Variants in NLRP1 observed in about 807,000 individuals in gnomAD.
NLRP1 encodes the protein NLR family pyrin domain containing 1.
In NLRP1, 94 loss-of-function variants were observed where a neutral mutation model predicts 136.7. The observed-to-expected ratio is 0.69, with a 90% CI of 0.58 to 0.82. The LOEUF is 0.82. Ranked by LOEUF, NLRP1 falls within the 40% of genes least tolerant of loss-of-function variation. The pLI is 0.00. For missense variants in NLRP1, 1,575 were observed against 1,802.7 expected (o/e 0.87, Z 2.29); for synonymous variants, 690 against 725.1 (o/e 0.95, Z 0.78).
At chr17:5,502,577 C>CGCTGGG (rs1907144634) in intron 15 of NLRP1, 1 of 153,530 alleles carries the variant, frequency 6.5e-6, no homozygotes, top group Admixed American at 6.5e-5. Context: ...TGGCATGAGC[C>CGCTGGG]ACTGCGCCAA....
chr17:5,506,918 A>AG (rs1161317123), intron 15 of NLRP1, among the ~76,000 whole-genome samples: 1 of 146,728 alleles, frequency 6.8e-6, no homozygotes, highest in Non-Finnish European at 1.5e-5. Flanking sequence ...AAAAAAAAAA[A>AG]AAAAAAAAAT....
Position 5,537,916 on chromosome 17 carries a change from G to A in NLRP1, c.2871-976C>T. Among the ~76,000 whole-genome samples the A allele has an allele frequency of 6.6e-6, 1 of 152,222 alleles. No individual in the cohort carries two copies. Among genetic ancestry groups the A allele is most frequent in the Admixed American group, 6.5e-5 (1 of 15,286 alleles). ...AGTGATAGCCAAAAATACTCAGTGG[G>A]GAGCAGCAGGCTGGGGTGCAAAGGT... On this transcript the variant is annotated intron_variant, in intron 7 of 16. Coordinates refer to ENST00000572272, the MANE Select transcript of NLRP1 (RefSeq NM_033004.4). The surrounding 1 kb of genome is among the most constrained non-coding windows in gnomAD (Gnocchi z 4.5).
At chr17:5,543,775 G>A (rs1003966268) in intron 5 of NLRP1, among the ~76,000 whole-genome samples, 1 of 152,176 alleles carries the variant, frequency 6.6e-6, no homozygotes, top group Non-Finnish European at 1.5e-5. Flanking sequence ...GACTTCGGGA[G>A]ATGTTTGGAG....
chr17:5,526,949 A>C (rs76310213), intron 12 of NLRP1, among the ~76,000 whole-genome samples: 118 of 152,342 alleles, frequency 7.7e-4, no homozygotes, highest in Middle Eastern at 3.4e-3. Flanking sequence ...GACAGTGATG[A>C]AGCACCAGTG....
chr17:5,556,523 A>G (rs1323186548), intron 4 of NLRP1, among the ~76,000 whole-genome samples: 1 of 152,040 alleles, frequency 6.6e-6, no homozygotes, highest in Non-Finnish European at 1.5e-5. Flanking sequence ...CTTGATATAT[A>G]AAGAAAATAA....
In NLRP1 at chr17:5,558,826, G is replaced by A. The variant is rs1914408677; in HGVS notation, c.1870C>T (p.Leu624Phe). ...PIPLSYSFIHLCFQEFFAAMS... is the reference protein window; with the variant it reads ...PIPLSYSFIHFCFQEFFAAMS... The stretch of plus-strand genomic sequence containing the variant: ...GCTGCAAAGAACTCTTGGAAACAGA[G>A]GTGAATGAAGCTGTAGCTCAGAGGG... The change falls in exon 4 of 17, where the codon CTC becomes TTC. Residue 624 changes from leucine (L) to phenylalanine (F), a missense_variant. Physicochemically the swap from Leu to Phe is conservative, Grantham distance 22 (BLOSUM62 0). Transcript: ENST00000572272. 1 of 1,614,208 alleles carries A rather than the reference G, an allele frequency of 6.2e-7. No homozygotes were observed. Among genetic ancestry groups the A allele is most frequent in the Non-Finnish European group, 8.5e-7 (1 of 1,180,028 alleles).
downstream of NLRP1, among the ~76,000 whole-genome samples, chr17:5,511,188 T>C (rs1019578710): frequency 6.6e-5 from 10 of 151,994 alleles, no homozygotes; most frequent in African/African-American, 2.4e-4. Context: ...CCCAGCACTT[T>C]AGGAGGCCGA....
chr17:5,516,512 A>G (rs1908138299), intron 15 of NLRP1, among the ~76,000 whole-genome samples: 1 of 152,242 alleles, frequency 6.6e-6, no homozygotes, highest in African/African-American at 2.4e-5. Flanking sequence ...TCCAAGGGAC[A>G]GAATTAAGAC....
At position 5,569,978 on chromosome 17, in the gene NLRP1, A is replaced by C. The variant is rs577116559; in HGVS notation, c.653-9935T>G. 6.6e-5 allele frequency among the ~76,000 whole-genome samples: 10 copies of C among 152,314 alleles called. No homozygotes were observed. In the South Asian group the frequency reaches 2.1e-3, roughly 32 times the overall value. ...CTAAGAAGATAGCTCAGAACCATACAATTCATGGAAATTAAACAACCTGCT... is the reference window on the plus strand; with the variant it reads ...CTAAGAAGATAGCTCAGAACCATACCATTCATGGAAATTAAACAACCTGCT... On this transcript the variant is annotated intron_variant, in intron 3 of 16. Coordinates refer to ENST00000572272, the MANE Select transcript of NLRP1 (RefSeq NM_033004.4).
At position 5,520,956 on chromosome 17, in the gene NLRP1, C is replaced by T. The variant is rs747154134; in HGVS notation, c.3840G>A (p.Pro1280=). The change falls in exon 14 of 17, where the codon CCG becomes CCA. Residue 1280 remains proline (P), a synonymous_variant. Coordinates refer to ENST00000572272, the MANE Select transcript of NLRP1 (RefSeq NM_033004.4). ...FQFVRIHKPP[P]LTPLYMGCRY... is the part of the protein sequence containing the mutation. ...GACAGCCCATATAAAGTGGGGTCAG[C>T]GGGGGTGGCTTGTGGATTCGCACAA... 12 of 1,611,638 alleles carry T rather than the reference C, an allele frequency of 7.4e-6. No homozygotes were observed. Among genetic ancestry groups the T allele is most frequent in the East Asian group, 6.7e-5 (3 of 44,878 alleles).
chr17:5,560,118 T>C, intron 3 of NLRP1, 75 bp from the exon 4 acceptor site: 1 of 1,347,066 alleles, frequency 7.4e-7, no homozygotes, highest in Non-Finnish European at 9.8e-7. Context: ...ACAACTGTTT[T>C]AGGCACCTAC....
In NLRP1 at chr17:5,559,562, C is replaced by T. The variant is rs745630120; in HGVS notation, c.1134G>A (p.Val378=). 6.2e-7 allele frequency: 1 copy of T among 1,614,228 alleles called. No individual in the cohort carries two copies. The highest frequency in any genetic ancestry group is 1.7e-5 in the Admixed American group (1 of 60,026). ...CTTTTCCGATGAGCTCAGCGAGACT[C>T]ACCACCTTGGACTGGGCCAGCTCTC... ...SCRELAQSKV[V]SLAELIGKDG... Residue 378 remains valine (V), a synonymous_variant, in exon 4 of 17, where the codon GTG becomes GTA. Transcript: ENST00000572272.
At position 5,558,888 on chromosome 17, in the gene NLRP1, G is replaced by A. The variant is rs1403177370; in HGVS notation, c.1808C>T (p.Thr603Ile). ...KHGLDGAIIS[T>I]FLKMGILQEH... is the part of the protein sequence containing the mutation. ...TTGAAGAATACCCATCTTCAAGAAG[G>A]TGGAGATGATGGCCCCATCTAACCC... Residue 603 changes from threonine to isoleucine, a missense_variant, in exon 4 of 17, where the codon ACC becomes ATC. Coordinates refer to ENST00000572272, the MANE Select transcript of NLRP1 (RefSeq NM_033004.4). 1 of 1,614,042 alleles carries A rather than the reference G, an allele frequency of 6.2e-7. No individual in the cohort carries two copies. Among genetic ancestry groups the A allele is most frequent in the Non-Finnish European group, 8.5e-7 (1 of 1,179,890 alleles).
At chr17:5,507,321 T>TAATTA (rs1393847766) in intron 15 of NLRP1, among the ~76,000 whole-genome samples, 5 of 152,160 alleles carry the variant, frequency 3.3e-5, no homozygotes, top group African/African-American at 9.7e-5. Context: ...TAAATTAAAT[T>TAATTA]AATTAAATTA....
At chr17:5,517,008 C>T (rs6502867) in intron 15 of NLRP1, among the ~76,000 whole-genome samples, 124,607 of 152,230 alleles carry the variant, frequency 0.82, 51,387 homozygotes, top group East Asian at 0.97. Flanking sequence ...TTTCCTCTTG[C>T]CTACCTCAAA....
At position 5,541,965 on chromosome 17, in the gene NLRP1, T is replaced by C. The variant is rs1438342107; in HGVS notation, c.2591A>G (p.Asn864Ser). The C allele has an allele frequency of 6.2e-7, 1 of 1,613,976 alleles. No homozygotes were observed. Among genetic ancestry groups the C allele is most frequent in the Admixed American group, 1.7e-5 (1 of 60,006 alleles). The part of the protein sequence containing the change: ...CKDLAFGLRA[N>S]QTLTELDLSF... ...CAGGTCCAGCTCGGTCAGGGTCTGG[T>C]TGGCTCTCAGCCCAAAGGCAAGGTC... The change falls in exon 6 of 17, where the codon AAC (asparagine) becomes AGC (serine). Residue 864 changes from asparagine to serine, a missense_variant. Coordinates refer to ENST00000572272, the MANE Select transcript of NLRP1 (RefSeq NM_033004.4). This position sits in a 1 kb window ranked among gnomAD's most constrained non-coding sequence, Gnocchi z 4.2.
chr17:5,530,802 T>A (rs1376448950), intron 11 of NLRP1, 98 bp from the exon 12 acceptor site: 13 of 874,094 alleles, frequency 1.5e-5, no homozygotes, highest in Non-Finnish European at 2.4e-5. Context: ...TACGGTACAG[T>A]GGCTTCAAGC....
At chr17:5,542,085 C>A in intron 5 of NLRP1, 58 bp from the exon 6 acceptor site, 1 of 1,529,860 alleles carries the variant, frequency 6.5e-7, no homozygotes, top group Admixed American at 1.9e-5. Context: ...TCAACAGACA[C>A]CCATAAGCAA....
rs1419941352 is a variant in NLRP1 at position 5,533,388 on chromosome 17, C to G, written c.3053-4G>C. The G allele has an allele frequency of 2.9e-6, 3 of 1,044,048 alleles. No individual in the cohort carries two copies. Among genetic ancestry groups the G allele is most frequent in the Admixed American group, 2.0e-5 (1 of 50,258 alleles). 64.7% of individuals were successfully genotyped at this position (1,044,048 alleles called of 1,614,324 possible). On this transcript the variant is annotated splice_region_variant and splice_polypyrimidine_tract_variant and intron_variant, in intron 9 of 16. Transcript: ENST00000572272. ...GCAACATGGGAAGCCGCCCTCTCTACAGAAAAAAGAAAAATATCAGCCAGG... is the reference window on the plus strand; with the variant it reads ...GCAACATGGGAAGCCGCCCTCTCTAGAGAAAAAAGAAAAATATCAGCCAGG...
Sources: gnomAD v4.1 joint callset for allele counts (sites outside exome capture counted in the v4.1 genomes callset) on GRCh38, gnomAD v4.1.1 for gene constraint, Gnocchi (gnomAD v3.1) non-coding constraint, MANE v1.5 for transcripts, NCBI Gene and HGNC (gene_info 2026-07-23, HGNC 2026-07-21) for gene names.